MICU2: variants seen among roughly 807,000 people sequenced by gnomAD.
MICU2 encodes the protein calcium uptake protein 2, mitochondrial.
A neutral mutation model predicts 60.4 loss-of-function variants in MICU2; 64 were observed. That is an observed-to-expected ratio of 1.06 (90% CI 0.87 to 1.31). The LOEUF is 1.31. Ranked by LOEUF, MICU2 falls within the 50% of genes most tolerant of loss-of-function variation. MICU2 has a pLI of 0.00. For synonymous variants in MICU2, 201 were observed against 175.0 expected, an observed-to-expected ratio of 1.15 and a Z score of -1.17; for missense variants, 569 against 531.0, an observed-to-expected ratio of 1.07 and a Z score of -0.70.
At chr13:21,506,101 T>C (rs1408815356) in intron 8 of MICU2, among the ~76,000 whole-genome samples, 1 of 151,746 alleles carries the variant, frequency 6.6e-6, no homozygotes, top group Non-Finnish European at 1.5e-5. Context: ...CACAACTCAC[T>C]GCAGCCTCAA....
intron 4 of MICU2, among the ~76,000 whole-genome samples, chr13:21,534,680 T>C (rs1044975872): frequency 1.3e-5 from 2 of 152,238 alleles, no homozygotes; most frequent in African/African-American, 4.8e-5. Context: ...GTAATTAGCA[T>C]GTAGTTAATT....
chr13:21,582,299 C>G (rs898222123), intron 1 of MICU2, among the ~76,000 whole-genome samples: 1 of 152,100 alleles, frequency 6.6e-6, no homozygotes, highest in East Asian at 1.9e-4. Context: ...GATACAATAG[C>G]CAAAACTTTT....
At chr13:21,568,741 T>C (rs917125675) in intron 1 of MICU2, among the ~76,000 whole-genome samples, 1 of 152,136 alleles carries the variant, frequency 6.6e-6, no homozygotes, top group Non-Finnish European at 1.5e-5. Context: ...AGCAATCTTA[T>C]TCTTTCCTGG....
chr13:21,494,950 A>C (rs1301527846), intron 11 of MICU2, among the ~76,000 whole-genome samples: 2 of 152,172 alleles, frequency 1.3e-5, no homozygotes, highest in African/African-American at 2.4e-5. Flanking sequence ...GTCACTTTAA[A>C]TAGTGATTTC....
At chr13:21,541,843 C>A (rs1284530090) in intron 2 of MICU2, among the ~76,000 whole-genome samples, 1 of 151,978 alleles carries the variant, frequency 6.6e-6, no homozygotes, top group Non-Finnish European at 1.5e-5. Context: ...ATTACAAGTT[C>A]TATTTGACAT....
Position 21,510,040 on chromosome 13 carries a change from C to T in MICU2, c.725G>A (p.Arg242Lys). Residue 242 changes from arginine to lysine, a missense_variant, in exon 8 of 12, where the codon AGA becomes AAA. Arg to Lys is a conservative substitution (Grantham distance 26). Transcript: ENST00000382374. ...TTTATAATGAAGTTTTCTTTGTCCT[C>T]TTTTTCCAAAGAAACGCATCTGAAG... ...TTLQMRFFGK[R>K]GQRKLHYKEF... 1.3e-6 allele frequency: 2 copies of T among 1,542,364 alleles called. No homozygotes were observed. Among genetic ancestry groups the T allele is most frequent in the Non-Finnish European group, 1.7e-6 (2 of 1,150,912 alleles).
intron 4 of MICU2, among the ~76,000 whole-genome samples, chr13:21,532,328 CTT>C (rs1452504297): frequency 6.6e-6 from 1 of 152,184 alleles, no homozygotes; most frequent in Admixed American, 6.5e-5. Flanking sequence ...GCTTACTGCT[CTT>C]TGAAATTCCA....
chr13:21,543,832 A>C (rs192611367), intron 2 of MICU2, among the ~76,000 whole-genome samples: 1 of 152,260 alleles, frequency 6.6e-6, no homozygotes, highest in African/African-American at 2.4e-5. Context: ...ACTTCTATGG[A>C]ACCACAAAAG....
In MICU2 at chr13:21,539,502, T is replaced by C. The variant is rs550220127; in HGVS notation, c.391-125A>G. The C allele has an allele frequency of 1.3e-3, 1,660 of 1,285,890 alleles. 4 individuals are homozygous for C. Among genetic ancestry groups the C allele is most frequent in the Middle Eastern group, 5.0e-3 (24 of 4,842 alleles). The allele number at this position is 1,285,890 out of a possible 1,614,324, so 79.7% of individuals were successfully genotyped here. A position where few individuals can be genotyped will look rare whatever the true frequency, so the allele number is the denominator to read the frequency against. On this transcript the variant is annotated intron_variant, in intron 3 of 11. Coordinates refer to ENST00000382374, the MANE Select transcript of MICU2 (RefSeq NM_152726.3). Reference sequence around the variant, plus strand: ...ATTTTTAGTAGACACAGGGCTTCACTGTGTTAGCCAGGATGGTGATCTCCT... The same window carrying C: ...ATTTTTAGTAGACACAGGGCTTCACCGTGTTAGCCAGGATGGTGATCTCCT...
intron 9 of MICU2, among the ~76,000 whole-genome samples, chr13:21,500,374 GA>G (rs1278234566): frequency 1.0e-4 from 15 of 146,804 alleles, no homozygotes; most frequent in Admixed American, 2.7e-4. Flanking sequence ...ATTAAATAGG[GA>G]AAAAAAAATC....
At chr13:21,564,951 G>A (rs1280229879) in intron 2 of MICU2, among the ~76,000 whole-genome samples, 1 of 152,104 alleles carries the variant, frequency 6.6e-6, no homozygotes, top group African/African-American at 2.4e-5. Flanking sequence ...CCTACCTGAA[G>A]CTGGCTCCAG....
chr13:21,502,184 A>G (rs1886191207), intron 9 of MICU2, among the ~76,000 whole-genome samples: 1 of 151,912 alleles, frequency 6.6e-6, no homozygotes, highest in Non-Finnish European at 1.5e-5. Context: ...TAATTGTTAT[A>G]TATTTATCTT....
Position 21,594,948 on chromosome 13 carries a change from T to C in MICU2, c.210+8991A>G, listed in dbSNP as rs140357995. On this transcript the variant is annotated intron_variant, in intron 1 of 11. Coordinates refer to ENST00000382374, the MANE Select transcript of MICU2 (RefSeq NM_152726.3). ...GTGCAGCAAACCACCATGGCACACA[T>C]ATACCGATGTAACAAACTTGCATGT... Among the ~76,000 whole-genome samples, 395 of 152,282 alleles carry C rather than the reference T, an allele frequency of 2.6e-3. 1 individual carries two copies. The highest frequency in any genetic ancestry group is 9.2e-3 in the African/African-American group (381 of 41,554).
chr13:21,557,000 A>G (rs1213774512), intron 2 of MICU2, among the ~76,000 whole-genome samples: 1 of 152,206 alleles, frequency 6.6e-6, no homozygotes, highest in Admixed American at 6.6e-5. Flanking sequence ...CAAAGGGGAA[A>G]GATATTTGCA....
chr13:21,603,965 C>G lies in MICU2; in HGVS notation c.184G>C (p.Asp62His), dbSNP rs372397040. The part of the protein sequence containing the change: ...HHSRVSVAAR[D>H]GSFTVSAQKN... ...TGTGCGGAGACTGTAAAACTGCCAT[C>G]CCGCGCCGCAACACTGACGCGGCTG... The change falls in exon 1 of 12, where the codon GAT (aspartate) becomes CAT (histidine). Residue 62 changes from aspartate to histidine, a missense_variant. Coordinates refer to ENST00000382374, the MANE Select transcript of MICU2 (RefSeq NM_152726.3). The G allele has an allele frequency of 4.8e-5, 77 of 1,612,440 alleles. No individual in the cohort carries two copies. The highest frequency in any genetic ancestry group is 6.0e-5 in the Non-Finnish European group (71 of 1,179,650).
chr13:21,544,143 C>T (rs1395601158), intron 2 of MICU2, among the ~76,000 whole-genome samples: 3 of 152,112 alleles, frequency 2.0e-5, no homozygotes, highest in African/African-American at 7.2e-5. Flanking sequence ...AACCCCCTCA[C>T]CTTATATAAA....
At chr13:21,582,435 T>G (rs1209214350) in intron 1 of MICU2, among the ~76,000 whole-genome samples, 4 of 152,200 alleles carry the variant, frequency 2.6e-5, no homozygotes, top group Non-Finnish European at 4.4e-5. Flanking sequence ...CCAACATAAG[T>G]AATTTTTAAA....
intron 1 of MICU2, among the ~76,000 whole-genome samples, chr13:21,594,276 AAAGAGCT>A (rs1306353397): frequency 1.3e-5 from 2 of 152,246 alleles, no homozygotes; most frequent in African/African-American, 4.8e-5. Context: ...CAAACATGAA[AAAGAGCT>A]CATCATCACT....
chr13:21,581,245 G>A (rs754863775), intron 1 of MICU2, among the ~76,000 whole-genome samples: 1 of 152,174 alleles, frequency 6.6e-6, no homozygotes, highest in Non-Finnish European at 1.5e-5. Context: ...AGCCTCTTGA[G>A]TAGCTGGGAT....
Sources: allele counts gnomAD v4.1 joint callset (sites outside exome capture counted in the v4.1 genomes callset), GRCh38; gene constraint gnomAD v4.1.1; transcripts MANE v1.5; gene names NCBI Gene and HGNC (gene_info 2026-07-23, HGNC 2026-07-21).